SRRM2: variants seen among roughly 807,000 people sequenced by gnomAD.
SRRM2 encodes serine/arginine repetitive matrix 2.
Under a neutral mutation model 213.8 loss-of-function variants are expected in SRRM2, and 30 were observed. The observed-to-expected ratio is 0.14, with a 90% CI of 0.10 to 0.19. SRRM2 has a LOEUF of 0.19. SRRM2 is among the 10% of genes least tolerant of loss of function. SRRM2 has a pLI of 1.00. For synonymous variants in SRRM2, 2,025 were observed against 1,377.7 expected, an observed-to-expected ratio of 1.47 and a Z score of -10.40; for missense variants, 4,904 against 3,647.0, an observed-to-expected ratio of 1.34 and a Z score of -8.88.
At chr16:2,770,020 GCCCCATGT>G (rs968305615) in intron 12 of SRRM2, 26 of 668,908 alleles carry the variant, frequency 3.9e-5, no homozygotes, top group Non-Finnish European at 6.1e-5. Flanking sequence ...TCCCTGCCTT[GCCCCATGT>G]CCCCCTCCCT....
At chr16:2,770,123 G>A in intron 12 of SRRM2, 1 of 1,418,034 alleles carries the variant, frequency 7.1e-7, no homozygotes, top group Non-Finnish European at 9.2e-7. Context: ...GCTCCTTCAA[G>A]GGCAGGGACT....
chr16:2,763,696 A>G lies in SRRM2; in HGVS notation c.3168A>G (p.Gln1056=), dbSNP rs766078443. The G allele has an allele frequency of 2.5e-6, 4 of 1,614,210 alleles. No individual in the cohort carries two copies. The highest frequency in any genetic ancestry group is 3.4e-6 in the Non-Finnish European group (4 of 1,180,042). The part of the protein sequence containing the change: ...GESYFGVSSL[Q]LKGQSQTSPD... ...GCTATTTTGGTGTCTCATCTCTGCA[A>G]CTGAAAGGACAATCTCAAACTTCAC... Residue 1056 remains glutamine, a synonymous_variant, in exon 11 of 15, where the codon CAA becomes CAG. Coordinates refer to ENST00000301740, the MANE Select transcript of SRRM2 (RefSeq NM_016333.4).
chr16:2,761,305 A>G (rs2240143), intron 10 of SRRM2, among the ~76,000 whole-genome samples: 30,096 of 152,130 alleles, frequency 0.2, 3,091 homozygotes, highest in East Asian at 0.31. Context: ...TTGTAGTGGT[A>G]TTTGTTAAAT....
chr16:2,763,464 T>C lies in SRRM2; in HGVS notation c.2936T>C (p.Val979Ala). Residue 979 changes from valine to alanine, a missense_variant, in exon 11 of 15, where the codon GTG (valine) becomes GCG (alanine). Physicochemically the swap from Val to Ala is moderately conservative, Grantham distance 64. Transcript: ENST00000301740. ...HSGSSSPDTKVKPETPPRQSH... is the reference protein window; with the variant it reads ...HSGSSSPDTKAKPETPPRQSH... ...GGGTCCTCCTCACCAGATACCAAAG[T>C]GAAACCTGAAACACCGCCAAGACAA... The C allele has an allele frequency of 6.2e-7, 1 of 1,614,088 alleles. No homozygotes were observed. Among genetic ancestry groups the C allele is most frequent in the Non-Finnish European group, 8.5e-7 (1 of 1,180,006 alleles).
rs2068529088 is a variant in SRRM2 at position 2,766,016 on chromosome 16, A to G, written c.5488A>G (p.Ser1830Gly). The part of the protein sequence containing the change: ...YHSRSPARQE[S>G]SRTSSRRRRG... ...CTCAAGGTCACCTGCCCGGCAGGAA[A>G]GTTCCCGGACCTCCTCTCGACGCCG... The change falls in exon 11 of 15, where the codon AGT becomes GGT. Residue 1830 changes from serine (S) to glycine (G), a missense_variant. By Grantham distance (56) the Ser-to-Gly change is moderately conservative (BLOSUM62 0). Transcript: ENST00000301740. The surrounding 1 kb of genome is among the most constrained non-coding windows in gnomAD (Gnocchi z 7.0). 1.2e-6 allele frequency: 2 copies of G among 1,614,052 alleles called. No homozygotes were observed. Among genetic ancestry groups the G allele is most frequent in the Non-Finnish European group, 1.7e-6 (2 of 1,180,000 alleles).
chr16:2,764,782 A>T lies in SRRM2; in HGVS notation c.4254A>T (p.Arg1418Ser), dbSNP rs1000287967. ...DAVPRTPSRE[R>S]SSSASSPEMK... is the part of the protein sequence containing the mutation. ...TACCCAGAACACCCTCGAGAGAAAGAAGTAGTTCTGCATCTTCTCCTGAAA... is the reference window on the plus strand; with the variant it reads ...TACCCAGAACACCCTCGAGAGAAAGTAGTAGTTCTGCATCTTCTCCTGAAA... Residue 1418 changes from arginine to serine, a missense_variant, in exon 11 of 15, where the codon AGA (arginine) becomes AGT (serine). By Grantham distance (110) the Arg-to-Ser change is moderately radical (BLOSUM62 -1). Transcript: ENST00000301740. 6 of 1,614,232 alleles carry T rather than the reference A, an allele frequency of 3.7e-6. No individual in the cohort carries two copies. The highest frequency in any genetic ancestry group is 4.2e-6 in the Non-Finnish European group (5 of 1,180,036).
In SRRM2 at chr16:2,770,977, G is replaced by C; in HGVS notation, c.*110G>C. ...CCTTGTCTGCTCTCCTTTGAACCTTGGCAGCCCTTGGATGGAGGGCTCCCT... is the reference window on the plus strand; with the variant it reads ...CCTTGTCTGCTCTCCTTTGAACCTTCGCAGCCCTTGGATGGAGGGCTCCCT... On this transcript the variant is annotated 3_prime_UTR_variant, in exon 15 of 15. Transcript: ENST00000301740. The C allele has an allele frequency of 2.1e-6, 3 of 1,404,518 alleles. No homozygotes were observed. Among genetic ancestry groups the C allele is most frequent in the East Asian group, 2.3e-5 (1 of 42,700 alleles). 87.0% of individuals were successfully genotyped at this position (1,404,518 alleles called of 1,614,324 possible).
rs373126055 is a variant in SRRM2 at position 2,765,153 on chromosome 16, C to T, written c.4625C>T (p.Ser1542Phe). 3.7e-6 allele frequency: 6 copies of T among 1,614,062 alleles called. No individual in the cohort carries two copies. The highest frequency in any genetic ancestry group is 2.2e-5 in the South Asian group (2 of 91,086). Reference sequence around the variant, plus strand: ...GGGCAGAGAAGTCGTTCGGGATCCTCTCAAGAACTTGATGTGAAACCCAGT... The same window carrying T: ...GGGCAGAGAAGTCGTTCGGGATCCTTTCAAGAACTTGATGTGAAACCCAGT... Reference protein sequence around the residue: ...PLGQRSRSGSSQELDVKPSAS... With the variant: ...PLGQRSRSGSFQELDVKPSAS... Residue 1542 changes from serine (S) to phenylalanine (F), a missense_variant, in exon 11 of 15, where the codon TCT becomes TTT. Coordinates refer to ENST00000301740, the MANE Select transcript of SRRM2 (RefSeq NM_016333.4).
intron 4 of SRRM2, 34 bp downstream of exon 4, chr16:2,757,979 T>C: frequency 1.3e-6 from 2 of 1,587,634 alleles, no homozygotes; most frequent in Non-Finnish European, 1.7e-6. Flanking sequence ...GTCAGCTTCT[T>C]TTCTTGATTG....
Position 2,766,554 on chromosome 16 carries a change from G to C in SRRM2, c.6026G>C (p.Arg2009Pro), listed in dbSNP as rs202103463. 9.3e-6 allele frequency: 15 copies of C among 1,613,352 alleles called. No individual in the cohort carries two copies. The highest frequency in any genetic ancestry group is 1.3e-5 in the Non-Finnish European group (15 of 1,179,850). Residue 2009 changes from arginine (R) to proline (P), a missense_variant, in exon 11 of 15, where the codon CGA (arginine) becomes CCA (proline). Physicochemically the swap from Arg to Pro is moderately radical, Grantham distance 103. Coordinates refer to ENST00000301740, the MANE Select transcript of SRRM2 (RefSeq NM_016333.4). This position sits in a 1 kb window ranked among gnomAD's most constrained non-coding sequence, Gnocchi z 7.0. ...GTAACTCGAAGAAGGTCCCGCTCTC[G>C]AACCTCACCAGTGACACGCCGCCGC... ...SPVTRRRSRS[R>P]TSPVTRRRSR...
intron 1 of SRRM2, among the ~76,000 whole-genome samples, 190 bp downstream of exon 1, chr16:2,753,036 A>ACT (rs1555458555): frequency 1.4e-5 from 2 of 138,426 alleles, no homozygotes; most frequent in Non-Finnish European, 3.2e-5. Context: ...CGCGGGCTTC[A>ACT]CCCCCCCCCG....
intron 9 of SRRM2, 66 bp from the exon 10 acceptor site, chr16:2,760,235 G>A (rs905813211): frequency 6.7e-7 from 1 of 1,499,092 alleles, no homozygotes; most frequent in Non-Finnish European, 9.1e-7. Context: ...AGTTGGGGAG[G>A]GGGTTTTCTG....
rs1567237297 is a variant in SRRM2, at chr16:2,765,581, C to A, written c.5053C>A (p.Pro1685Thr). 1 of 1,614,192 alleles carries A rather than the reference C, an allele frequency of 6.2e-7. No homozygotes were observed. ...AGAGCCCAAGACCAAGTCTCGTACA[C>A]CACCTCGACGTCGCAGCTCTCGATC... The part of the protein sequence containing the change: ...SPEPKTKSRT[P>T]PRRRSSRSSP... Residue 1685 changes from proline (P) to threonine (T), a missense_variant, in exon 11 of 15, where the codon CCA becomes ACA. By Grantham distance (38) the Pro-to-Thr change is conservative. Transcript: ENST00000301740.
chr16:2,753,638 G>A (rs147869999), intron 1 of SRRM2: 4 of 152,182 alleles, frequency 2.6e-5, no homozygotes, highest in Admixed American at 2.6e-4. Context: ...TCATATATAA[G>A]TTTTCTGGTT....
chr16:2,769,301 C>T lies in SRRM2; in HGVS notation c.8021+17C>T, dbSNP rs2068655812. On this transcript the variant is annotated intron_variant, in intron 12 of 14. Transcript: ENST00000301740. ...CGAGCGGAGGTGAGTGCTGTCTTGC[C>T]TGAGTTGAAAGGTGGGTGGGGGAGT... The T allele has an allele frequency of 6.5e-7, 1 of 1,540,638 alleles. No individual in the cohort carries two copies. The highest frequency in any genetic ancestry group is 2.3e-5 in the East Asian group (1 of 44,276).
rs537595943 is a variant in SRRM2, at chr16:2,754,269, C to G, written c.-32+1423C>G. Among the ~76,000 whole-genome samples the G allele has an allele frequency of 9.9e-4, 151 of 151,932 alleles. No homozygotes were observed. In the Middle Eastern group the frequency reaches 0.017, roughly 17 times the overall value. On this transcript the variant is annotated intron_variant, in intron 1 of 14. Transcript: ENST00000301740. ...TCTCCGAAACATTGTGACCTAATAT[C>G]CTTTGCTTAGCACCTACTGGTTTTT... is the stretch of plus-strand genomic sequence containing the variant.
chr16:2,766,225 G>T lies in SRRM2; in HGVS notation c.5697G>T (p.Arg1899=). The T allele has an allele frequency of 1.2e-6, 2 of 1,614,198 alleles. No individual in the cohort carries two copies. The highest frequency in any genetic ancestry group is 1.7e-6 in the Non-Finnish European group (2 of 1,180,048). The stretch of plus-strand genomic sequence containing the variant: ...GAACTTCACCAGTCAGCCGGAGACG[G>T]TCAAGGTCCAGGACTTCAGTGACTC... The part of the protein sequence containing the change: ...RSRTSPVSRR[R]SRSRTSVTRR... The change falls in exon 11 of 15, where the codon CGG becomes CGT. Residue 1899 remains arginine (R), a synonymous_variant. Coordinates refer to ENST00000301740, the MANE Select transcript of SRRM2 (RefSeq NM_016333.4). This position sits in a 1 kb window ranked among gnomAD's most constrained non-coding sequence, Gnocchi z 7.0.
In SRRM2 at chr16:2,757,466, C is replaced by T. The variant is rs763140371; in HGVS notation, c.243-6C>T. The T allele has an allele frequency of 4.3e-6, 7 of 1,613,422 alleles. No homozygotes were observed. Among genetic ancestry groups the T allele is most frequent in the Non-Finnish European group, 1.7e-6 (2 of 1,179,580 alleles). The stretch of plus-strand genomic sequence containing the variant: ...GAGCTTAACCCTGAAGGGATTTGTT[C>T]TTCAGGTACGAGGAACAGCAAATTC... On this transcript the variant is annotated splice_polypyrimidine_tract_variant and splice_region_variant and intron_variant, in intron 2 of 14. Transcript: ENST00000301740.
rs766003969 is a variant in SRRM2, at chr16:2,765,965, C to T, written c.5437C>T (p.Arg1813Trp). ...CCGGTCAAGGTCGCGGGTTACTCGG[C>T]GGCGGAGGGGAGGCTCTGGTTATCA... is the stretch of plus-strand genomic sequence containing the variant. ...RSRSRSRVTRRRRGGSGYHSR... is the reference protein window; with the variant it reads ...RSRSRSRVTRWRRGGSGYHSR... The change falls in exon 11 of 15, where the codon CGG (arginine) becomes TGG (tryptophan). Residue 1813 changes from arginine to tryptophan, a missense_variant. Transcript: ENST00000301740. 8 of 1,613,986 alleles carry T rather than the reference C, an allele frequency of 5.0e-6. No individual in the cohort carries two copies. Among genetic ancestry groups the T allele is most frequent in the African/African-American group, 4.0e-5 (3 of 74,882 alleles).
Sources: gnomAD v4.1 joint callset for allele counts (sites outside exome capture counted in the v4.1 genomes callset) on GRCh38, gnomAD v4.1.1 for gene constraint, Gnocchi (gnomAD v3.1) non-coding constraint, MANE v1.5 for transcripts, NCBI Gene and HGNC (gene_info 2026-07-23, HGNC 2026-07-21) for gene names.